NRG3: variants seen among roughly 807,000 people sequenced by gnomAD.
NRG3 encodes pro-neuregulin-3, membrane-bound isoform.
A neutral mutation model predicts 66.9 loss-of-function variants in NRG3; 31 were observed. The observed-to-expected ratio is 0.46, with a 90% confidence interval of 0.35 to 0.63. The LOEUF (loss-of-function observed/expected upper bound fraction) is 0.63, where lower values mean the gene tolerates loss of function less well. Ranked by LOEUF, NRG3 falls within the 20% of genes least tolerant of loss-of-function variation. NRG3 has a pLI of 0.00. For synonymous variants in NRG3, 393 were observed against 359.4 expected (o/e 1.09, Z -1.06); for missense variants, 910 against 878.9 (o/e 1.04, Z -0.45).
chr10:82,531,149 G>A (rs140252626), intron 2 of NRG3, among the ~76,000 whole-genome samples: 1 of 150,898 alleles, frequency 6.6e-6, no homozygotes, highest in Non-Finnish European at 1.5e-5. Flanking sequence ...AAGACATTAT[G>A]GTCTATACAA....
At chr10:82,852,746 C>T (rs527303848) in intron 3 of NRG3, among the ~76,000 whole-genome samples, 16 of 152,212 alleles carry the variant, frequency 1.1e-4, no homozygotes, top group Non-Finnish European at 1.5e-4. Context: ...ATCTGCAGAC[C>T]ACATCGAAAA....
chr10:82,124,648 T>C (rs896539196), intron 1 of NRG3, among the ~76,000 whole-genome samples: 2 of 151,212 alleles, frequency 1.3e-5, no homozygotes, highest in South Asian at 4.2e-4. Flanking sequence ...TGGGTTGATG[T>C]GTGCAGCAAA....
chr10:81,991,597 G>T (rs1390289913), intron 1 of NRG3, among the ~76,000 whole-genome samples: 1 of 152,144 alleles, frequency 6.6e-6, no homozygotes, highest in Non-Finnish European at 1.5e-5. Context: ...GAAATGGCAA[G>T]TTAGAGTTTT....
Position 82,872,715 on chromosome 10 carries a change from T to C in NRG3, c.1054+7278T>C, listed in dbSNP as rs535569553. ...CATAATAAGTGCTCTAAAAAAAGTT[T>C]AGGCAAGATACGATATGAAAAAAAA... is the stretch of plus-strand genomic sequence containing the variant. On this transcript the variant is annotated intron_variant, in intron 4 of 8. Coordinates refer to ENST00000372141, the MANE Select transcript of NRG3 (RefSeq NM_001010848.4). 2.9e-4 allele frequency among the ~76,000 whole-genome samples: 44 copies of C among 151,176 alleles called. No homozygotes were observed. The South Asian group carries it at 8.6e-3, about 29-fold the overall frequency.
intron 1 of NRG3, among the ~76,000 whole-genome samples, chr10:82,145,322 A>T (rs1038687425): frequency 2.0e-5 from 3 of 152,214 alleles, no homozygotes; most frequent in Non-Finnish European, 4.4e-5. Flanking sequence ...CTACTATTTG[A>T]TGTCCAAGTT....
chr10:82,252,525 A>G (rs905467805), intron 1 of NRG3, among the ~76,000 whole-genome samples: 4 of 152,206 alleles, frequency 2.6e-5, no homozygotes, highest in African/African-American at 7.2e-5. Flanking sequence ...TTTTAGCACT[A>G]TATTACAAAT....
intron 2 of NRG3, among the ~76,000 whole-genome samples, chr10:82,560,539 T>C (rs1024918163): frequency 2.0e-5 from 3 of 151,098 alleles, no homozygotes; most frequent in African/African-American, 7.2e-5. Context: ...ATTTGATTGC[T>C]TCTTTAATTG....
chr10:82,962,518 C>T (rs973792629), intron 6 of NRG3, among the ~76,000 whole-genome samples: 3 of 151,994 alleles, frequency 2.0e-5, no homozygotes, highest in Admixed American at 1.3e-4. Flanking sequence ...GAAGATAATA[C>T]TTGCATGCTA....
At chr10:82,112,851 G>A (rs2067469959) in intron 1 of NRG3, among the ~76,000 whole-genome samples, 1 of 152,068 alleles carries the variant, frequency 6.6e-6, no homozygotes, top group Non-Finnish European at 1.5e-5. Context: ...AGCCTCCTGA[G>A]AGAAGGCACA....
chr10:82,282,879 C>T (rs769637489), intron 1 of NRG3, among the ~76,000 whole-genome samples: 1 of 152,018 alleles, frequency 6.6e-6, no homozygotes, highest in African/African-American at 2.4e-5. Context: ...CAGGTGACTT[C>T]TGCAAGAAAC....
chr10:82,385,060 A>G (rs2135897942), intron 2 of NRG3, among the ~76,000 whole-genome samples: 1 of 152,168 alleles, frequency 6.6e-6, no homozygotes, highest in East Asian at 1.9e-4. Flanking sequence ...CATTTCTTTA[A>G]TGATCAGTGA....
chr10:82,581,625 A>AC (rs2046361089), intron 2 of NRG3, among the ~76,000 whole-genome samples: 1 of 152,030 alleles, frequency 6.6e-6, no homozygotes, highest in Non-Finnish European at 1.5e-5. Flanking sequence ...GTTTTATAAA[A>AC]TGAAAAGAAT....
chr10:82,070,314 A>T (rs933743150), intron 1 of NRG3, among the ~76,000 whole-genome samples: 1 of 152,082 alleles, frequency 6.6e-6, no homozygotes, highest in Non-Finnish European at 1.5e-5. Context: ...AAAGAATCCC[A>T]TCCTTTCAAG....
intron 1 of NRG3, chr10:82,232,505 G>A (rs1589409497): frequency 4.3e-6 from 2 of 468,654 alleles, no homozygotes; most frequent in East Asian, 7.8e-5. Context: ...TCTCCTAACA[G>A]GTGCTCCTCA....
At chr10:82,442,645 G>A (rs1206688642) in intron 2 of NRG3, among the ~76,000 whole-genome samples, 1 of 152,016 alleles carries the variant, frequency 6.6e-6, no homozygotes, top group African/African-American at 2.4e-5. Flanking sequence ...TACTTTTAAG[G>A]CTCAGTGTTA....
intron 1 of NRG3, among the ~76,000 whole-genome samples, chr10:81,882,791 G>C (rs1301579293): frequency 6.6e-6 from 1 of 151,982 alleles, no homozygotes; most frequent in Non-Finnish European, 1.5e-5. Flanking sequence ...TATGCCCTTG[G>C]GTTTTTCTTA....
intron 2 of NRG3, among the ~76,000 whole-genome samples, chr10:82,424,411 T>G (rs1345795430): frequency 6.6e-6 from 1 of 152,106 alleles, no homozygotes; most frequent in Non-Finnish European, 1.5e-5. Flanking sequence ...TAATGAGCAC[T>G]TTTTGTATGC....
chr10:82,780,254 G>A (rs11195935), intron 3 of NRG3, among the ~76,000 whole-genome samples: 15,659 of 151,976 alleles, frequency 0.1, 879 homozygotes, highest in Middle Eastern at 0.18. Flanking sequence ...GGATTGCTGG[G>A]TTAAATAGTA....
intron 2 of NRG3, among the ~76,000 whole-genome samples, chr10:82,478,071 C>T (rs1477847145): frequency 6.6e-6 from 1 of 152,116 alleles, no homozygotes; most frequent in East Asian, 1.9e-4. Flanking sequence ...AAAGTAATAA[C>T]ATGAATCCTA....
Sources: gnomAD v4.1 joint callset for allele counts (sites outside exome capture counted in the v4.1 genomes callset) on GRCh38, gnomAD v4.1.1 for gene constraint, MANE v1.5 for transcripts, NCBI Gene and HGNC (gene_info 2026-07-23, HGNC 2026-07-21) for gene names.